The following DLG5 variants were observed in gnomAD, a reference collection of about 807,000 sequenced individuals.
The protein encoded by DLG5 is disks large homolog 5.
A neutral mutation model predicts 189.8 loss-of-function variants in DLG5; 48 were observed. The ratio of observed to expected loss-of-function variants is 0.25; its 90% CI spans 0.20 to 0.32. The LOEUF (loss-of-function observed/expected upper bound fraction) is 0.32, where lower values mean the gene tolerates loss of function less well. Among genes scored for constraint, DLG5 ranks in the 10% least tolerant of loss-of-function variants. The pLI is 1.00. For missense variants in DLG5, 2,160 were observed against 2,544.7 expected (o/e 0.85, Z 3.25); for synonymous variants, 1,016 against 1,054.1 (o/e 0.96, Z 0.70).
At chr10:77,835,944 A>G (rs1354326650) in intron 7 of DLG5, 22 bp from the exon 8 acceptor site, 39 of 1,598,160 alleles carry the variant, frequency 2.4e-5, no homozygotes, top group Non-Finnish European at 3.3e-5. Flanking sequence ...AAGGGGCAGG[A>G]AGAGGGAGAG....
intron 2 of DLG5, among the ~76,000 whole-genome samples, chr10:77,863,287 C>A (rs961728994): frequency 6.6e-6 from 1 of 151,842 alleles, no homozygotes; most frequent in Non-Finnish European, 1.5e-5. Flanking sequence ...ATTGTAGCGA[C>A]AGGGCCCCAC....
rs1055711823 is a variant in DLG5 at position 77,792,371 on chromosome 10, G to A, written c.*69C>T. The A allele has an allele frequency of 1.1e-4, 156 of 1,422,680 alleles. 1 individual carries two copies. The highest frequency in any genetic ancestry group is 6.7e-4 in the Admixed American group (40 of 59,542). 88.1% of individuals were successfully genotyped at this position (1,422,680 alleles called of 1,614,324 possible). On this transcript the variant is annotated 3_prime_UTR_variant, in exon 32 of 32. Transcript: ENST00000372391. ...GACGGACAGACTTCTACTTTCAGTC[G>A]CTAGAAAAGAGCTGAGTCTGGTGTC...
At position 77,821,165 on chromosome 10, in the gene DLG5, C is replaced by T; in HGVS notation, c.3319G>A (p.Gly1107Arg). 5.6e-6 allele frequency: 9 copies of T among 1,614,194 alleles called. No individual in the cohort carries two copies. Among genetic ancestry groups the T allele is most frequent in the Non-Finnish European group, 7.6e-6 (9 of 1,180,058 alleles). Reference sequence around the variant, plus strand: ...GATTTTGGCCGGCGACGCTTCTGCCCCAGCTCATCCACCTTCTGGGAGGTG... The same window carrying T: ...GATTTTGGCCGGCGACGCTTCTGCCTCAGCTCATCCACCTTCTGGGAGGTG... ...DLTSQKVDELGQKRRRPKSAP... is the reference protein window; with the variant it reads ...DLTSQKVDELRQKRRRPKSAP... Residue 1107 changes from glycine to arginine, a missense_variant, in exon 15 of 32, where the codon GGG becomes AGG. By Grantham distance (125) the Gly-to-Arg change is moderately radical (BLOSUM62 -2). Coordinates refer to ENST00000372391, the MANE Select transcript of DLG5 (RefSeq NM_004747.4).
At chr10:77,873,464 C>A (rs1291959114) in intron 1 of DLG5, among the ~76,000 whole-genome samples, 1 of 152,112 alleles carries the variant, frequency 6.6e-6, no homozygotes, top group African/African-American at 2.4e-5. Context: ...TGTCTGTGTC[C>A]TTTCCAAGAG....
At chr10:77,794,780 C>T in intron 30 of DLG5, 69 bp downstream of exon 30, 3 of 1,265,476 alleles carry the variant, frequency 2.4e-6, no homozygotes, top group Non-Finnish European at 1.1e-6. Context: ...ACACACCCTG[C>T]TCCCTACTTG....
intron 27 of DLG5, among the ~76,000 whole-genome samples, chr10:77,797,734 C>A (rs1181308863): frequency 3.9e-5 from 6 of 152,276 alleles, no homozygotes; most frequent in Non-Finnish European, 7.4e-5. Context: ...GGAGTGACTG[C>A]AGAGCAGGCA....
chr10:77,834,783 G>C (rs971322156), intron 8 of DLG5, among the ~76,000 whole-genome samples: 2 of 152,058 alleles, frequency 1.3e-5, no homozygotes, highest in Non-Finnish European at 2.9e-5. Flanking sequence ...CCGTGGAAGG[G>C]GTCTGAGCAG....
At chr10:77,879,236 AGAG>A (rs1316776112) in intron 1 of DLG5, among the ~76,000 whole-genome samples, 24 of 152,212 alleles carry the variant, frequency 1.6e-4, no homozygotes, top group Admixed American at 1.5e-3. Context: ...GTGGAGTGCC[AGAG>A]GAGGGAATAG....
intron 1 of DLG5, among the ~76,000 whole-genome samples, chr10:77,918,018 C>CAAA (rs946645342): frequency 8.5e-6 from 1 of 117,366 alleles, no homozygotes; most frequent in African/African-American, 3.7e-5. Context: ...AACTCTGTCT[C>CAAA]AAAAAAAAAA....
In DLG5 at chr10:77,905,909, C is replaced by T. The variant is rs4979798; in HGVS notation, c.304+20308G>A. On this transcript the variant is annotated intron_variant, in intron 1 of 31. Transcript: ENST00000372391. ...CAGCAATCTACATAATAGCACTGCA[C>T]CATCCATGCTCTATTTCTTATGTTT... Among the ~76,000 whole-genome samples, 267 of 152,328 alleles carry T rather than the reference C, an allele frequency of 1.8e-3. 1 individual carries two copies. Among genetic ancestry groups the T allele is most frequent in the Middle Eastern group, 6.8e-3 (2 of 294 alleles).
chr10:77,819,571 A>G, intron 16 of DLG5, 106 bp from the exon 17 acceptor site: 1 of 1,417,930 alleles, frequency 7.1e-7, no homozygotes, highest in Non-Finnish European at 9.4e-7. Flanking sequence ...GTCTTTTGGG[A>G]AAAGGACTTG....
rs775807535 is a variant in DLG5, at chr10:77,817,023, G to A, written c.3858C>T (p.Val1286=). 8 of 1,613,966 alleles carry A rather than the reference G, an allele frequency of 5.0e-6. No homozygotes were observed. Among genetic ancestry groups the A allele is most frequent in the South Asian group, 1.1e-5 (1 of 91,066 alleles). Residue 1286 remains valine, a synonymous_variant, in exon 19 of 32, where the codon GTC becomes GTT. Transcript: ENST00000372391. ...AGTCCTTACCTCTCTCGGAGCCCAC[G>A]ACACTCCGCGGATATCTTGGTGTTG... is the stretch of plus-strand genomic sequence containing the variant. ...IPSTPRYPRS[V]VGSERGSVSH...
At chr10:77,904,586 GC>G in intron 1 of DLG5, among the ~76,000 whole-genome samples, 1 of 152,128 alleles carries the variant, frequency 6.6e-6, no homozygotes, top group South Asian at 2.1e-4. Flanking sequence ...TCTTTCCCAT[GC>G]TATTCTTGTG....
intron 31 of DLG5, 39 bp from the exon 32 acceptor site, chr10:77,792,582 G>C (rs779062355): frequency 6.3e-7 from 1 of 1,597,718 alleles, no homozygotes; most frequent in Non-Finnish European, 8.6e-7. Flanking sequence ...TCAGCTCAGA[G>C]TAAGACCCCA....
In DLG5 at chr10:77,926,232, G is replaced by T; in HGVS notation, c.289C>A (p.Pro97Thr). Residue 97 changes from proline to threonine, a missense_variant, in exon 1 of 32, where the codon CCC (proline) becomes ACC (threonine). Coordinates refer to ENST00000372391, the MANE Select transcript of DLG5 (RefSeq NM_004747.4). The surrounding 1 kb of genome is among the most constrained non-coding windows in gnomAD (Gnocchi z 5.2). Reference sequence around the variant, plus strand: ...TGCCACTCACCCGCGCCTTCGGCGGGCTGCGGCGGCCCGACGACGCCGTTC... The same window carrying T: ...TGCCACTCACCCGCGCCTTCGGCGGTCTGCGGCGGCCCGACGACGCCGTTC... ...YLNGVVGPPQPAEGAGSTYSV... is the reference protein window; with the variant it reads ...YLNGVVGPPQTAEGAGSTYSV... The T allele has an allele frequency of 1.3e-6, 2 of 1,509,544 alleles. No individual in the cohort carries two copies. Among genetic ancestry groups the T allele is most frequent in the South Asian group, 2.6e-5 (2 of 75,786 alleles). The allele number at this position is 1,509,544 out of a possible 1,614,324, so 93.5% of individuals were successfully genotyped here.
intron 1 of DLG5, among the ~76,000 whole-genome samples, chr10:77,878,044 A>G (rs1845160589): frequency 6.6e-6 from 1 of 152,236 alleles, no homozygotes; most frequent in Non-Finnish European, 1.5e-5. Flanking sequence ...GGCAGGAAGC[A>G]GCTCTCTGAA....
chr10:77,882,103 G>A lies in DLG5; in HGVS notation c.305-12906C>T, dbSNP rs139773239. 2.4e-3 allele frequency among the ~76,000 whole-genome samples: 361 copies of A among 152,320 alleles called. 2 individuals carry two copies. In the South Asian group the frequency reaches 0.024, roughly 10 times the overall value. ...TGTAGTAGCAGCAACTAGGGCTCCT[G>A]AGGTCATGGAGAACCCCTTGCCCAC... On this transcript the variant is annotated intron_variant, in intron 1 of 31. Coordinates refer to ENST00000372391, the MANE Select transcript of DLG5 (RefSeq NM_004747.4).
intron 1 of DLG5, among the ~76,000 whole-genome samples, chr10:77,922,677 C>T (rs1464535671): frequency 1.3e-5 from 2 of 152,084 alleles, no homozygotes. Context: ...ACAGACAGGG[C>T]CCTGGAACCA....
At chr10:77,814,461 T>TA (rs1841938538) in intron 20 of DLG5, among the ~76,000 whole-genome samples, 6 of 70,756 alleles carry the variant, frequency 8.5e-5, no homozygotes, top group Admixed American at 4.1e-4. Flanking sequence ...TAAAGCATGT[T>TA]TATATATATA....
Sources: gnomAD v4.1 joint callset for allele counts (sites outside exome capture counted in the v4.1 genomes callset) on GRCh38, gnomAD v4.1.1 for gene constraint, Gnocchi (gnomAD v3.1) non-coding constraint, MANE v1.5 for transcripts, NCBI Gene and HGNC (gene_info 2026-07-23, HGNC 2026-07-21) for gene names.